Variants in CCDC93 observed in about 807,000 individuals in gnomAD.
The protein encoded by CCDC93 is coiled-coil domain-containing protein 93.
Under a neutral mutation model 108.2 loss-of-function variants are expected in CCDC93, and 61 were observed. The observed-to-expected ratio is 0.56, with a 90% CI of 0.46 to 0.70. CCDC93 has a LOEUF of 0.70. Ranked by LOEUF, CCDC93 falls within the 30% of genes least tolerant of loss-of-function variation. The probability of loss-of-function intolerance (pLI) is 0.00; values close to 1 mark genes in which losing one functional copy is unlikely to be tolerated. For synonymous variants in CCDC93, 276 were observed against 260.4 expected (o/e 1.06, Z -0.58); for missense variants, 685 against 764.2 (o/e 0.90, Z 1.22).
chr2:117,982,062 G>A (rs1391420263), intron 7 of CCDC93, among the ~76,000 whole-genome samples: 2 of 152,106 alleles, frequency 1.3e-5, no homozygotes, highest in African/African-American at 2.4e-5. Flanking sequence ...AAACAGGTTG[G>A]GAGAGGTATG....
chr2:117,939,957 T>C (rs185012184), intron 19 of CCDC93, among the ~76,000 whole-genome samples: 109 of 152,342 alleles, frequency 7.2e-4, no homozygotes, highest in African/African-American at 2.4e-3. Context: ...ATTGTGTATT[T>C]AGGATTCTAA....
intron 8 of CCDC93, 38 bp downstream of exon 8, chr2:117,977,956 T>G: frequency 6.3e-7 from 1 of 1,591,764 alleles, no homozygotes; most frequent in Non-Finnish European, 8.6e-7. Context: ...CACTTCCATC[T>G]CTCAAGTATT....
intron 1 of CCDC93, chr2:118,009,046 G>T (rs1258332508): frequency 6.3e-6 from 1 of 159,130 alleles, no homozygotes; most frequent in Non-Finnish European, 1.4e-5. Flanking sequence ...CAGGAACAAG[G>T]TTTTATGGTG....
At chr2:117,970,457 TA>T (rs149684519) in intron 11 of CCDC93, among the ~76,000 whole-genome samples, 129 of 146,276 alleles carry the variant, frequency 8.8e-4, no homozygotes, top group Non-Finnish European at 1.6e-3. Context: ...GAAACAAGAA[TA>T]AAAAAAAAAG....
chr2:117,931,305 T>C, intron 22 of CCDC93, 155 bp from the exon 23 acceptor site: 1 of 581,562 alleles, frequency 1.7e-6, no homozygotes, highest in South Asian at 2.2e-5. Flanking sequence ...TTAATTTATT[T>C]GCATATTACA....
intron 7 of CCDC93, among the ~76,000 whole-genome samples, chr2:117,983,240 T>C (rs944971962): frequency 3.9e-5 from 6 of 152,186 alleles, no homozygotes; most frequent in African/African-American, 1.4e-4. Flanking sequence ...CTAAACATCA[T>C]TTACTACCCC....
At chr2:117,959,753 T>C (rs1679330104) in intron 11 of CCDC93, among the ~76,000 whole-genome samples, 1 of 152,216 alleles carries the variant, frequency 6.6e-6, no homozygotes, top group South Asian at 2.1e-4. Context: ...ACTAAGCATT[T>C]ATTATTACAA....
At chr2:117,926,552 T>C (rs1032167800) in intron 23 of CCDC93, among the ~76,000 whole-genome samples, 1 of 152,086 alleles carries the variant, frequency 6.6e-6, no homozygotes, top group African/African-American at 2.4e-5. Context: ...ACATACACCC[T>C]CCCAAGACTA....
intron 11 of CCDC93, among the ~76,000 whole-genome samples, chr2:117,963,947 T>C (rs1289539958): frequency 6.6e-6 from 1 of 152,254 alleles, no homozygotes; most frequent in Non-Finnish European, 1.5e-5. Flanking sequence ...TGGCTTGAGA[T>C]CATTTTACCA....
In CCDC93 at chr2:117,916,155, CA is replaced by C. The variant is rs566455420; in HGVS notation, c.*4187del. 3 of 152,190 alleles carry C rather than the reference CA, an allele frequency of 2.0e-5. No individual in the cohort carries two copies. The highest frequency in any genetic ancestry group is 7.2e-5 in the African/African-American group (3 of 41,512). The allele number at this position is 152,190 out of a possible 1,614,324, so 9.4% of individuals were successfully genotyped here. A position where few individuals can be genotyped will look rare whatever the true frequency, so the allele number is the denominator to read the frequency against. ...GAGTGCCTACATGTCACACTCCTGC[CA>C]CCACCGTATCTAGTGCTGCCACCCA... On this transcript the variant is annotated 3_prime_UTR_variant, in exon 24 of 24. Coordinates refer to ENST00000376300, the MANE Select transcript of CCDC93 (RefSeq NM_019044.5).
chr2:118,012,151 G>A (rs1296989700), intron 1 of CCDC93, among the ~76,000 whole-genome samples: 1 of 152,106 alleles, frequency 6.6e-6, no homozygotes, highest in Non-Finnish European at 1.5e-5. Flanking sequence ...GCTCACATCT[G>A]CAATCCCAGC....
chr2:117,965,777 T>C (rs1006537044), intron 11 of CCDC93, among the ~76,000 whole-genome samples: 2 of 151,938 alleles, frequency 1.3e-5, no homozygotes, highest in Admixed American at 6.6e-5. Context: ...CACCTGACAC[T>C]GCCTGGATGC....
intron 1 of CCDC93, chr2:118,013,025 G>C (rs1677060673): frequency 6.6e-6 from 1 of 152,254 alleles, no homozygotes; most frequent in Non-Finnish European, 1.5e-5. Flanking sequence ...AAAAGGCAGA[G>C]GTGCGGCGTG....
At chr2:117,939,947 A>G (rs1678646402) in intron 19 of CCDC93, among the ~76,000 whole-genome samples, 1 of 152,212 alleles carries the variant, frequency 6.6e-6, no homozygotes, top group Admixed American at 6.5e-5. Flanking sequence ...AGGACTTAGT[A>G]TTGTGTATTT....
At chr2:117,977,953 ATCTCTCAAG>A (rs1212124702) in intron 8 of CCDC93, 32 bp downstream of exon 8, 2 of 1,585,512 alleles carry the variant, frequency 1.3e-6, no homozygotes, top group Admixed American at 3.3e-5. Context: ...AGTCACTTCC[ATCTCTCAAG>A]TATTCTCTCT....
At chr2:117,940,662 G>A (rs1359841357) in intron 19 of CCDC93, among the ~76,000 whole-genome samples, 1 of 152,234 alleles carries the variant, frequency 6.6e-6, no homozygotes, top group Non-Finnish European at 1.5e-5. Flanking sequence ...TGATGCAAGA[G>A]CAGATGTGGC....
chr2:117,946,729 C>CGA (rs1678883615), intron 16 of CCDC93, 82 bp downstream of exon 16: 1 of 906,502 alleles, frequency 1.1e-6, no homozygotes, highest in Admixed American at 1.9e-5. Context: ...TTAGCAACAG[C>CGA]GGTCTGCTCT....
chr2:117,996,465 T>C (rs191270871), intron 4 of CCDC93, 103 bp from the exon 5 acceptor site: 97 of 745,718 alleles, frequency 1.3e-4, no homozygotes, highest in African/African-American at 1.5e-4. Context: ...ATCAGCATAG[T>C]TGAACTGACT....
At chr2:117,982,493 G>A (rs1443954421) in intron 7 of CCDC93, among the ~76,000 whole-genome samples, 2 of 152,130 alleles carry the variant, frequency 1.3e-5, no homozygotes, top group Non-Finnish European at 2.9e-5. Context: ...CAGCATAGTT[G>A]ACAAGGTTCA....
Sources: gnomAD v4.1 joint callset for allele counts (sites outside exome capture counted in the v4.1 genomes callset) on GRCh38, gnomAD v4.1.1 for gene constraint, MANE v1.5 for transcripts, NCBI Gene and HGNC (gene_info 2026-07-23, HGNC 2026-07-21) for gene names.